The following MYH10 variants were observed in gnomAD, a reference collection of about 807,000 sequenced individuals.
The protein encoded by MYH10 is myosin-10.
Under a neutral mutation model 257.8 loss-of-function variants are expected in MYH10, and 55 were observed. The ratio of observed to expected loss-of-function variants is 0.21; its 90% confidence interval spans 0.17 to 0.27. The LOEUF is 0.27. Among genes scored for constraint, MYH10 ranks in the 10% least tolerant of loss-of-function variants. MYH10 has a pLI of 1.00. For synonymous variants in MYH10, 854 were observed against 921.7 expected, an observed-to-expected ratio of 0.93 and a Z score of 1.33; for missense variants, 1,631 against 2,500.6, an observed-to-expected ratio of 0.65 and a Z score of 7.42.
intron 17 of MYH10, among the ~76,000 whole-genome samples, chr17:8,524,354 G>A (rs1271540385): frequency 6.7e-6 from 1 of 150,278 alleles, no homozygotes; most frequent in East Asian, 2.0e-4. Flanking sequence ...GAAGGCTGAG[G>A]CAGGAGAATT....
intron 1 of MYH10, among the ~76,000 whole-genome samples, chr17:8,626,927 T>TTA (rs1417651576): frequency 1.3e-5 from 2 of 152,190 alleles, no homozygotes; most frequent in Non-Finnish European, 2.9e-5. Flanking sequence ...ATTAGAATAA[T>TTA]TTAACAAATA....
intron 14 of MYH10, among the ~76,000 whole-genome samples, chr17:8,537,308 G>A (rs1343384398): frequency 6.6e-6 from 1 of 152,180 alleles, no homozygotes; most frequent in Non-Finnish European, 1.5e-5. Context: ...CATATTTACT[G>A]GCAAAGAGTT....
Position 8,504,925 on chromosome 17 carries a change from G to A in MYH10, c.3387-19C>T, listed in dbSNP as rs576506881. On this transcript the variant is annotated intron_variant, in intron 27 of 42. Coordinates refer to ENST00000360416, the MANE Select transcript of MYH10 (RefSeq NM_001256012.3). This position sits in a 1 kb window ranked among gnomAD's most constrained non-coding sequence, Gnocchi z 5.6. ...ATCACCTCTGTTAAAACACCCAGGC[G>A]CAAGAGGCACTCAGAGATGGCACCC... is the stretch of plus-strand genomic sequence containing the variant. 192 of 1,608,272 alleles carry A rather than the reference G, an allele frequency of 1.2e-4. No individual in the cohort carries two copies. The Middle Eastern group carries it at 1.8e-3, about 15-fold the overall frequency.
At chr17:8,531,092 T>C (rs1229324287) in intron 16 of MYH10, among the ~76,000 whole-genome samples, 2 of 152,148 alleles carry the variant, frequency 1.3e-5, no homozygotes, top group Non-Finnish European at 2.9e-5. Context: ...ATCAATGGCT[T>C]TTACTGTCAA....
chr17:8,577,219 A>G lies in MYH10; in HGVS notation c.633+17T>C. On this transcript the variant is annotated intron_variant, in intron 5 of 42. Transcript: ENST00000360416. ...AAAGAAGAAGAAGATTTAAAAAACA[A>G]CAGAGCAGAAACTTACAGGAATATT... 6.4e-7 allele frequency: 1 copy of G among 1,568,696 alleles called. No homozygotes were observed.
chr17:8,541,490 T>C (rs953551639), intron 14 of MYH10, among the ~76,000 whole-genome samples: 1 of 152,156 alleles, frequency 6.6e-6, no homozygotes, highest in African/African-American at 2.4e-5. Context: ...TGAGATCACA[T>C]GGAGCTGAGT....
intron 23 of MYH10, 145 bp downstream of exon 23, chr17:8,513,393 T>G (rs537112696): frequency 1.8e-4 from 228 of 1,284,030 alleles, no homozygotes; most frequent in South Asian, 1.5e-3. Flanking sequence ...TATATACAAT[T>G]TGGAAATGAG....
rs56144668 is a variant in MYH10 at position 8,511,015 on chromosome 17, CATATAT to C, written c.2953-1072_2953-1067del. 1.0e-3 allele frequency: 121 copies of C among 120,516 alleles called. 2 individuals are homozygous for C. The highest frequency in any genetic ancestry group is 2.5e-3 in the African/African-American group (65 of 25,966). 7.5% of individuals were successfully genotyped at this position (120,516 alleles called of 1,614,324 possible). On this transcript the variant is annotated intron_variant, in intron 24 of 42. Transcript: ENST00000360416. ...CTGTATCAAAACATCTCATGTACCC[CATATAT>C]ATATATATATATATATATATATATA...
intron 2 of MYH10, among the ~76,000 whole-genome samples, chr17:8,619,152 G>A (rs948369692): frequency 2.0e-5 from 3 of 152,142 alleles, no homozygotes; most frequent in Non-Finnish European, 2.9e-5. Flanking sequence ...TTACCATTTT[G>A]TCACACTGAA....
In MYH10 at chr17:8,493,851, T is replaced by A; in HGVS notation, c.4091A>T (p.Asn1364Ile). 6.2e-7 allele frequency: 1 copy of A among 1,613,362 alleles called. No homozygotes were observed. Among genetic ancestry groups the A allele is most frequent in the Non-Finnish European group, 8.5e-7 (1 of 1,179,666 alleles). ...LLQEETRQKLNLSSRIRQLEE... is the reference protein window; with the variant it reads ...LLQEETRQKLILSSRIRQLEE... ...CAGCTGCCGGATCCGACTGCTCAGG[T>A]TTAGTTTCTGGCGTGTCTCCTCCTG... The change falls in exon 32 of 43, where the codon AAC (asparagine) becomes ATC (isoleucine). Residue 1364 changes from asparagine (N) to isoleucine (I), a missense_variant. This residue lies in a region of MYH10 where 463 missense variants were observed against 621.8 expected (regional missense o/e 0.74). Transcript: ENST00000360416.
intron 1 of MYH10, among the ~76,000 whole-genome samples, chr17:8,627,331 G>A (rs568747281): frequency 6.6e-5 from 10 of 152,072 alleles, no homozygotes; most frequent in East Asian, 1.9e-4. Context: ...CAATATTTAC[G>A]TGAATGGTCC....
chr17:8,486,727 TATTTTCCTTTATTC>T (rs1296556919), intron 36 of MYH10, among the ~76,000 whole-genome samples: 5 of 124,390 alleles, frequency 4.0e-5, no homozygotes, highest in Non-Finnish European at 8.8e-5. Context: ...TCCTACACCA[TATTTTCCTTTATTC>T]ATTTAAGTCT....
rs761657294 is a variant in MYH10, at chr17:8,477,601, A to G, written c.5707-553T>C. 7.2e-5 allele frequency among the ~76,000 whole-genome samples: 11 copies of G among 152,068 alleles called. No homozygotes were observed. The highest frequency in any genetic ancestry group is 2.0e-4 in the Admixed American group (3 of 15,274). ...GGTCAGTGCTTCGTGGGTCCAGCGC[A>G]CACCACCCTCAACTGTGCTCCGTGT... On this transcript the variant is annotated intron_variant, in intron 41 of 42. Coordinates refer to ENST00000360416, the MANE Select transcript of MYH10 (RefSeq NM_001256012.3). This position sits in a 1 kb window ranked among gnomAD's most constrained non-coding sequence, Gnocchi z 4.2.
intron 37 of MYH10, among the ~76,000 whole-genome samples, chr17:8,481,905 T>TG (rs1020796957): frequency 6.6e-6 from 1 of 152,058 alleles, no homozygotes; most frequent in Admixed American, 6.6e-5. Flanking sequence ...AGGAGGCAGG[T>TG]GGGGGCCTCC....
chr17:8,597,095 C>CA (rs913401818), intron 3 of MYH10, among the ~76,000 whole-genome samples: 1 of 152,000 alleles, frequency 6.6e-6, no homozygotes, highest in African/African-American at 2.4e-5. Context: ...TAGGTGATTG[C>CA]AAAACTACCC....
chr17:8,578,352 C>T (rs1356348350), intron 4 of MYH10, among the ~76,000 whole-genome samples: 1 of 149,842 alleles, frequency 6.7e-6, no homozygotes, highest in Non-Finnish European at 1.5e-5. Flanking sequence ...AAACAATTCT[C>T]CTGCCTCAGC....
chr17:8,530,736 C>T, intron 16 of MYH10, 51 bp from the exon 17 acceptor site: 3 of 1,350,182 alleles, frequency 2.2e-6, no homozygotes, highest in Non-Finnish European at 3.1e-6. Flanking sequence ...TACACAAACA[C>T]TTCAGTTAGT....
Position 8,623,051 on chromosome 17 carries a change from C to T in MYH10, c.196G>A (p.Gly66Arg), listed in dbSNP as rs762710196. The stretch of plus-strand genomic sequence containing the variant: ...TCTTTGTTGACCATTGCTTTCTTTC[C>T]ATTCTCTGCCAACTCCACCATAACT... ...DEVMVELAEN[G>R]KKAMVNKDDI... is the part of the protein sequence containing the mutation. The change falls in exon 2 of 43, where the codon GGA (glycine) becomes AGA (arginine). Residue 66 changes from glycine (G) to arginine (R), a missense_variant. Coordinates refer to ENST00000360416, the MANE Select transcript of MYH10 (RefSeq NM_001256012.3). 4 of 1,614,118 alleles carry T rather than the reference C, an allele frequency of 2.5e-6. No individual in the cohort carries two copies. The highest frequency in any genetic ancestry group is 2.5e-6 in the Non-Finnish European group (3 of 1,180,032).
At chr17:8,573,190 T>A (rs1452264660) in intron 6 of MYH10, among the ~76,000 whole-genome samples, 1 of 152,242 alleles carries the variant, frequency 6.6e-6, no homozygotes, top group Non-Finnish European at 1.5e-5. Context: ...ACACTTGCTA[T>A]ATGATATAGC....
Sources: allele counts gnomAD v4.1 joint callset (sites outside exome capture counted in the v4.1 genomes callset), GRCh38; gene constraint gnomAD v4.1.1; regional missense constraint gnomAD v4.1.1; non-coding constraint Gnocchi (gnomAD v3.1); transcripts MANE v1.5; gene names NCBI Gene and HGNC (gene_info 2026-07-23, HGNC 2026-07-21).